Variants in NOX4 observed in about 807,000 individuals in gnomAD.
NOX4 encodes the protein kidney oxidase-1.
NOX4 carries 69 observed loss-of-function variants against 87.6 expected under a neutral mutation model. That is an observed-to-expected ratio of 0.79 (90% CI 0.65 to 0.96). NOX4 has a LOEUF of 0.96. NOX4 is among the 40% of genes least tolerant of loss of function. The pLI is 0.00. For missense variants in NOX4, 680 were observed against 681.5 expected (o/e 1.00, Z 0.02); for synonymous variants, 275 against 238.2 (o/e 1.15, Z -1.42).
chr11:89,405,389 T>C (rs1212059052), intron 8 of NOX4, among the ~76,000 whole-genome samples: 2 of 152,090 alleles, frequency 1.3e-5, no homozygotes, highest in Non-Finnish European at 2.9e-5. Context: ...CTAAATAGCA[T>C]AGGCCATCTC....
At position 89,406,611 on chromosome 11, in the gene NOX4, T is replaced by C. The variant is rs1942201200; in HGVS notation, c.630-4069A>G. Among the ~76,000 whole-genome samples, 2 of 152,140 alleles carry C rather than the reference T, an allele frequency of 1.3e-5. 1 individual carries two copies. The highest frequency in any genetic ancestry group is 4.1e-4 in the South Asian group (2 of 4,828). ...CACAGTCTAGAGCAGCACTGTCCAA[T>C]AGAGCTTTCTGTGATAGTGGAAATG... On this transcript the variant is annotated intron_variant, in intron 8 of 17. Transcript: ENST00000263317.
At chr11:89,520,058 T>C in the NOX4 span, among the ~76,000 whole-genome samples, 2 of 151,994 alleles carry the variant, frequency 1.3e-5, no homozygotes, top group African/African-American at 4.8e-5. Flanking sequence ...TGACTAGGAA[T>C]GAGTTTGTAC....
the NOX4 span, among the ~76,000 whole-genome samples, chr11:89,580,084 G>A: frequency 1.3e-5 from 2 of 152,166 alleles, no homozygotes; most frequent in African/African-American, 4.8e-5. Context: ...TGATGAGCGG[G>A]TTTTGTGTAA....
In NOX4 at chr11:89,392,832, A is replaced by G. The variant is rs531329739; in HGVS notation, c.1074+7185T>C. Among the ~76,000 whole-genome samples, 4 of 152,270 alleles carry G rather than the reference A, an allele frequency of 2.6e-5. No individual in the cohort carries two copies. In the South Asian group the frequency reaches 6.2e-4, roughly 24 times the overall value. On this transcript the variant is annotated intron_variant, in intron 11 of 17. Transcript: ENST00000263317. Reference sequence around the variant, plus strand: ...TAATTTTCATGGAATTCCAAAAAGGATTCAAGTTGAGTAAGCAAAATATGT... The same window carrying G: ...TAATTTTCATGGAATTCCAAAAAGGGTTCAAGTTGAGTAAGCAAAATATGT...
At chr11:89,414,618 T>A (rs1489426270) in intron 8 of NOX4, among the ~76,000 whole-genome samples, 2 of 138,892 alleles carry the variant, frequency 1.4e-5, no homozygotes, top group African/African-American at 5.5e-5. Flanking sequence ...CACATTTTTT[T>A]TATTTTATTA....
At chr11:89,507,454 A>G in the NOX4 span, among the ~76,000 whole-genome samples, 2 of 151,360 alleles carry the variant, frequency 1.3e-5, no homozygotes, top group Non-Finnish European at 3.0e-5. Context: ...ATAATATACA[A>G]TGCATATGTC....
At chr11:89,538,387 C>A in the NOX4 span, among the ~76,000 whole-genome samples, 1 of 152,120 alleles carries the variant, frequency 6.6e-6, no homozygotes, top group African/African-American at 2.4e-5. Context: ...TTCTGACAAT[C>A]TTCTTTAAAA....
the NOX4 span, among the ~76,000 whole-genome samples, chr11:89,541,615 G>C: frequency 6.6e-6 from 1 of 151,692 alleles, no homozygotes; most frequent in African/African-American, 2.4e-5. Flanking sequence ...AGTTATAAGT[G>C]ATATACTCAT....
At chr11:89,586,151 T>G in the NOX4 span, among the ~76,000 whole-genome samples, 1 of 151,952 alleles carries the variant, frequency 6.6e-6, no homozygotes, top group Non-Finnish European at 1.5e-5. Context: ...TTATTCTCAT[T>G]CCTTTATCTC....
At chr11:89,426,453 C>T (rs191935424) in intron 7 of NOX4, among the ~76,000 whole-genome samples, 2 of 151,848 alleles carry the variant, frequency 1.3e-5, no homozygotes, top group African/African-American at 4.8e-5. Flanking sequence ...CGCAAGGGGT[C>T]AAGGAATTCC....
the NOX4 span, among the ~76,000 whole-genome samples, chr11:89,504,526 C>T: frequency 1.3e-5 from 2 of 151,822 alleles, no homozygotes; most frequent in African/African-American, 4.8e-5. Flanking sequence ...GAGACAATGA[C>T]TTTATCAGAG....
chr11:89,451,541 TGTATGTGAAACACTAA>T (rs1464950526), intron 3 of NOX4, among the ~76,000 whole-genome samples: 1 of 152,186 alleles, frequency 6.6e-6, no homozygotes, highest in Non-Finnish European at 1.5e-5. Context: ...TTGTCCAGCA[TGTATGTGAAACACTAA>T]GCATAGTGCT....
intron 17 of NOX4, among the ~76,000 whole-genome samples, chr11:89,327,478 C>T (rs1486311337): frequency 1.3e-5 from 2 of 152,094 alleles, no homozygotes; most frequent in African/African-American, 4.8e-5. Flanking sequence ...ATAATGGTAA[C>T]AAATTTCAAG....
At chr11:89,563,774 T>A in the NOX4 span, among the ~76,000 whole-genome samples, 1 of 152,162 alleles carries the variant, frequency 6.6e-6, no homozygotes, top group Non-Finnish European at 1.5e-5. Context: ...GAGTGTTTGC[T>A]ATATTATTTG....
rs1945198219 is a variant in NOX4, at chr11:89,325,843, A to G, written c.*913T>C. The G allele has an allele frequency of 6.6e-6, 1 of 150,622 alleles. No homozygotes were observed. The highest frequency in any genetic ancestry group is 2.1e-4 in the South Asian group (1 of 4,798). The allele number at this position is 150,622 out of a possible 1,614,324, so 9.3% of individuals were successfully genotyped here. On this transcript the variant is annotated 3_prime_UTR_variant, in exon 18 of 18. Transcript: ENST00000263317. ...GGGAAAAAAACAATAATAATAATAGAGACAAAAATGCTGAAAAAAGGGAAA... is the reference window on the plus strand; with the variant it reads ...GGGAAAAAAACAATAATAATAATAGGGACAAAAATGCTGAAAAAAGGGAAA...
the NOX4 span, among the ~76,000 whole-genome samples, chr11:89,559,033 CT>C: frequency 6.6e-6 from 1 of 152,108 alleles, no homozygotes; most frequent in African/African-American, 2.4e-5. Context: ...GATCACCAAA[CT>C]TAACATACTA....
chr11:89,431,116 A>G (rs993626526), intron 7 of NOX4, among the ~76,000 whole-genome samples: 10 of 152,204 alleles, frequency 6.6e-5, no homozygotes, highest in African/African-American at 2.2e-4. Flanking sequence ...AGAATTCCCT[A>G]TTTAATAAAT....
At position 89,325,115 on chromosome 11, in the gene NOX4, C is replaced by CTTTTTTTTTTT. The variant is rs141198784; in HGVS notation, c.*1630_*1640dup. The CTTTTTTTTTTT allele has an allele frequency of 4.9e-3, 373 of 76,304 alleles. 49 individuals are homozygous for CTTTTTTTTTTT. Among genetic ancestry groups the CTTTTTTTTTTT allele is most frequent in the African/African-American group, 1.0e-2 (177 of 17,716 alleles). 4.7% of individuals were successfully genotyped at this position (76,304 alleles called of 1,614,324 possible). A position where few individuals can be genotyped will look rare whatever the true frequency, so the allele number is the denominator to read the frequency against. On this transcript the variant is annotated 3_prime_UTR_variant, in exon 18 of 18. Coordinates refer to ENST00000263317, the MANE Select transcript of NOX4 (RefSeq NM_016931.5). Reference sequence around the variant, plus strand: ...ACTAAACTGTATGAATGCTTTAATTCTTTTTTTTTTTTTTTTTTTTTTTTT... The same window carrying CTTTTTTTTTTT: ...ACTAAACTGTATGAATGCTTTAATTCTTTTTTTTTTTTTTTTTTTTTTTTTTTTTTTTTTTT...
intron 7 of NOX4, among the ~76,000 whole-genome samples, chr11:89,428,271 A>T (rs1303994347): frequency 6.7e-6 from 1 of 150,104 alleles, no homozygotes; most frequent in African/African-American, 2.5e-5. Flanking sequence ...AAACACACCA[A>T]ATTGTAAAGA....
Sources: gnomAD v4.1 joint callset for allele counts (sites outside exome capture counted in the v4.1 genomes callset) on GRCh38, gnomAD v4.1.1 for gene constraint, MANE v1.5 for transcripts, NCBI Gene and HGNC (gene_info 2026-07-23, HGNC 2026-07-21) for gene names.